Variants in THRB observed in about 807,000 individuals in gnomAD.
THRB encodes thyroid hormone receptor beta, also known as nuclear receptor subfamily 1 group A member 2.
THRB carries 12 observed loss-of-function variants against 47.8 expected under a neutral mutation model. That is an observed-to-expected ratio of 0.25 (90% CI 0.16 to 0.41). The LOEUF (loss-of-function observed/expected upper bound fraction) is 0.41, where lower values mean the gene tolerates loss of function less well. Among genes scored for constraint, THRB ranks in the 10% least tolerant of loss-of-function variants. THRB has a pLI of 1.00. For missense variants in THRB, 348 were observed against 589.2 expected, an observed-to-expected ratio of 0.59 and a Z score of 4.24; for synonymous variants, 218 against 212.2, an observed-to-expected ratio of 1.03 and a Z score of -0.24.
intron 1 of THRB, among the ~76,000 whole-genome samples, chr3:24,438,692 C>G (rs1434295895): frequency 2.0e-5 from 3 of 152,122 alleles, no homozygotes; most frequent in African/African-American, 7.2e-5. Context: ...GGGGGATGCT[C>G]CTGGCAAAAT....
Position 24,259,169 on chromosome 3 carries a change from T to G in THRB, c.-42-30168A>C, listed in dbSNP as rs192126908. Reference sequence around the variant, plus strand: ...CTCGACAGAATTTATTTTCAGGTGCTGCAAGGCAAGACTCTACATGGGCTT... The same window carrying G: ...CTCGACAGAATTTATTTTCAGGTGCGGCAAGGCAAGACTCTACATGGGCTT... On this transcript the variant is annotated intron_variant, in intron 3 of 10. Coordinates refer to ENST00000646209, the MANE Select transcript of THRB (RefSeq NM_001354712.2). Among the ~76,000 whole-genome samples the G allele has an allele frequency of 3.0e-3, 461 of 152,286 alleles. 9 individuals are homozygous for G. Among genetic ancestry groups the G allele is most frequent in the Non-Finnish European group, 5.3e-4 (36 of 68,014 alleles).
chr3:24,173,095 A>C (rs1444961624), intron 5 of THRB, among the ~76,000 whole-genome samples: 2 of 152,170 alleles, frequency 1.3e-5, no homozygotes, highest in East Asian at 3.8e-4. Flanking sequence ...ACTTCTTAGA[A>C]ATGCAAATTC....
chr3:24,152,724 GC>G (rs2037168188), intron 5 of THRB, among the ~76,000 whole-genome samples: 1 of 151,874 alleles, frequency 6.6e-6, no homozygotes, highest in African/African-American at 2.4e-5. Flanking sequence ...ACTTTGGGAG[GC>G]CCAGGCAGGT....
chr3:24,169,686 TTA>T lies in THRB; in HGVS notation c.284-17198_284-17197del, dbSNP rs942487638. Among the ~76,000 whole-genome samples, 169 of 147,266 alleles carry T rather than the reference TTA, an allele frequency of 1.1e-3. 2 individuals carry two copies. Among genetic ancestry groups the T allele is most frequent in the African/African-American group, 7.9e-4 (32 of 40,610 alleles). On this transcript the variant is annotated intron_variant, in intron 5 of 10. Transcript: ENST00000646209. ...TACATAATAATTATAATAATATATA[TTA>T]TATATATATATTATAATATATATCT...
At chr3:24,255,703 C>G (rs1016657616) in intron 3 of THRB, among the ~76,000 whole-genome samples, 1 of 152,130 alleles carries the variant, frequency 6.6e-6, no homozygotes, top group Non-Finnish European at 1.5e-5. Flanking sequence ...TGATAGATGG[C>G]TGGTGTAGGC....
chr3:24,489,252 A>C (rs940279994), intron 1 of THRB, among the ~76,000 whole-genome samples: 8 of 151,728 alleles, frequency 5.3e-5, no homozygotes, highest in Admixed American at 3.9e-4. Context: ...AAAAAAAAAT[A>C]AGAAAAAAAA....
intron 3 of THRB, among the ~76,000 whole-genome samples, chr3:24,288,719 T>C (rs1243347295): frequency 4.6e-5 from 7 of 152,186 alleles, no homozygotes; most frequent in Admixed American, 1.3e-4. Flanking sequence ...TTTCAAACTA[T>C]GGGTCCCAAC....
chr3:24,189,936 G>T (rs1386638213), intron 5 of THRB, 138 bp downstream of exon 5: 4 of 786,812 alleles, frequency 5.1e-6, no homozygotes, highest in Non-Finnish European at 8.5e-6. Flanking sequence ...AGAAAAGGAC[G>T]CCTAGTAAAA....
chr3:24,469,712 T>G (rs1466503195), intron 1 of THRB, among the ~76,000 whole-genome samples: 1 of 152,224 alleles, frequency 6.6e-6, no homozygotes, highest in African/African-American at 2.4e-5. Context: ...GAAGAATACA[T>G]TTTATTAACT....
At chr3:24,133,699 GA>G (rs2034219286) in intron 8 of THRB, among the ~76,000 whole-genome samples, 1 of 64,376 alleles carries the variant, frequency 1.6e-5, no homozygotes, top group Non-Finnish European at 3.1e-5. Flanking sequence ...TGCAGAAAGA[GA>G]GAGAGAGAGA....
chr3:24,294,788 C>T (rs1306544430), intron 3 of THRB, among the ~76,000 whole-genome samples: 6 of 152,168 alleles, frequency 3.9e-5, no homozygotes, highest in Admixed American at 2.0e-4. Context: ...CATTTTGGGT[C>T]TAGAATTCTG....
chr3:24,459,098 T>A (rs2073455721), intron 1 of THRB: 2 of 152,172 alleles, frequency 1.3e-5, no homozygotes, highest in Admixed American at 6.5e-5. Flanking sequence ...CCTAATGTTA[T>A]CCCTTCCTTA....
chr3:24,245,204 T>C (rs879911095), intron 3 of THRB, among the ~76,000 whole-genome samples: 4 of 152,230 alleles, frequency 2.6e-5, no homozygotes, highest in South Asian at 2.1e-4. Context: ...TTTCTGCTCA[T>C]TGATGAAACA....
At chr3:24,186,432 C>T (rs559515010) in intron 5 of THRB, among the ~76,000 whole-genome samples, 11 of 96,668 alleles carry the variant, frequency 1.1e-4, no homozygotes, top group South Asian at 7.2e-4. Context: ...ATGGAAAGAG[C>T]GGGTGTGGGT....
At chr3:24,209,722 G>A (rs1466296364) in intron 4 of THRB, among the ~76,000 whole-genome samples, 1 of 152,146 alleles carries the variant, frequency 6.6e-6, no homozygotes, top group Non-Finnish European at 1.5e-5. Context: ...TATACCTAAT[G>A]TAAATGACGT....
chr3:24,229,116 C>G, intron 3 of THRB, 115 bp from the exon 4 acceptor site: 1 of 697,700 alleles, frequency 1.4e-6, no homozygotes. Context: ...TTGTTACTCT[C>G]AACTCAGAAC....
At chr3:24,306,093 A>G (rs1215130920) in intron 2 of THRB, among the ~76,000 whole-genome samples, 7 of 152,232 alleles carry the variant, frequency 4.6e-5, no homozygotes, top group Non-Finnish European at 8.8e-5. Flanking sequence ...AGAAACTAAC[A>G]AATCTTTACC....
intron 4 of THRB, among the ~76,000 whole-genome samples, chr3:24,219,474 C>T (rs1222270640): frequency 6.6e-6 from 1 of 152,074 alleles, no homozygotes; most frequent in Non-Finnish European, 1.5e-5. Context: ...TTCTGATGAG[C>T]CATTTGGGTA....
At chr3:24,124,409 T>C (rs9681155) in intron 10 of THRB, among the ~76,000 whole-genome samples, 1,546 of 152,350 alleles carry the variant, frequency 0.01, 32 homozygotes, top group African/African-American at 0.034. Context: ...ACAGGATCCT[T>C]TAATTTTTGA....
Sources: gnomAD v4.1 joint callset for allele counts (sites outside exome capture counted in the v4.1 genomes callset) on GRCh38, gnomAD v4.1.1 for gene constraint, MANE v1.5 for transcripts, NCBI Gene and HGNC (gene_info 2026-07-23, HGNC 2026-07-21) for gene names.